Variants in ENG observed in about 807,000 individuals in gnomAD.
ENG encodes endoglin, also known as CD105 antigen.
In ENG, 17 loss-of-function variants were observed where a neutral mutation model predicts 71.0. That is an observed-to-expected ratio of 0.24 (90% confidence interval 0.16 to 0.36). The LOEUF (loss-of-function observed/expected upper bound fraction) is 0.36, where lower values mean the gene tolerates loss of function less well. Among genes scored for constraint, ENG ranks in the 10% least tolerant of loss-of-function variants. The pLI is 1.00. For synonymous variants in ENG, 360 were observed against 366.9 expected, an observed-to-expected ratio of 0.98 and a Z score of 0.21; for missense variants, 749 against 868.3, an observed-to-expected ratio of 0.86 and a Z score of 1.73.
rs1416263121 is a variant in ENG at position 127,815,777 on chromosome 9, C to T, written c.1882G>A (p.Ala628Thr). 6.5e-7 allele frequency: 1 copy of T among 1,545,468 alleles called. No homozygotes were observed. Among genetic ancestry groups the T allele is most frequent in the South Asian group, 1.2e-5 (1 of 84,038 alleles). Reference protein sequence around the residue: ...RSPSKREPVVAVAAPASSESS... With the variant: ...RSPSKREPVVTVAAPASSESS... ...TCCGAGGAGGCCGGGGCAGCCACCG[C>T]CACCACGGGCTCCCGCTTGCTGGGG... Residue 628 changes from alanine to threonine, a missense_variant, in exon 15 of 15, where the codon GCG (alanine) becomes ACG (threonine). Coordinates refer to ENST00000373203, the MANE Select transcript of ENG (RefSeq NM_001114753.3).
At chr9:127,817,041 C>T in intron 13 of ENG, 108 bp downstream of exon 13, 1 of 1,300,592 alleles carries the variant, frequency 7.7e-7, no homozygotes, top group South Asian at 1.2e-5. Context: ...TCTCTGGGGT[C>T]CCCCTTGCCA....
At chr9:127,824,512 CT>C (rs71380096) in intron 7 of ENG, 66 bp from the exon 8 acceptor site, 104,437 of 668,874 alleles carry the variant, frequency 0.16, 6 homozygotes, top group Non-Finnish European at 0.16. Flanking sequence ...CCGCACCAGG[CT>C]TTTTTTTTTT....
chr9:127,840,442 A>C (rs1204453861), intron 2 of ENG, among the ~76,000 whole-genome samples: 1 of 152,202 alleles, frequency 6.6e-6, no homozygotes, highest in Non-Finnish European at 1.5e-5. Context: ...CTAAAAATAC[A>C]AAAATTAGCT....
chr9:127,843,755 A>ATT (rs71380099), intron 1 of ENG, among the ~76,000 whole-genome samples: 1 of 25,040 alleles, frequency 4.0e-5, no homozygotes, highest in African/African-American at 1.5e-4. Context: ...ATATATATAT[A>ATT]TTTTTTTTTT....
intron 1 of ENG, among the ~76,000 whole-genome samples, chr9:127,843,465 G>A (rs927633000): frequency 3.3e-5 from 5 of 151,608 alleles, no homozygotes; most frequent in South Asian, 2.1e-4. Flanking sequence ...GCGCTACTAC[G>A]TATAGGGTCG....
chr9:127,844,034 G>A (rs543482061), intron 1 of ENG, among the ~76,000 whole-genome samples: 2 of 150,142 alleles, frequency 1.3e-5, no homozygotes, highest in African/African-American at 2.4e-5. Flanking sequence ...GCCTCCCAAA[G>A]TGCTGGGATT....
chr9:127,825,178 AT>A, intron 6 of ENG, 52 bp downstream of exon 6: 2 of 1,612,854 alleles, frequency 1.2e-6, no homozygotes, highest in Non-Finnish European at 1.7e-6. Context: ...AACTTCCCTG[AT>A]CCAGAGGTTG....
intron 2 of ENG, among the ~76,000 whole-genome samples, chr9:127,842,011 T>A (rs1831045008): frequency 6.6e-6 from 1 of 152,060 alleles, no homozygotes; most frequent in Non-Finnish European, 1.5e-5. Context: ...CCTAGCACAG[T>A]CTCTAGCACA....
chr9:127,817,844 G>T, intron 12 of ENG: 1 of 562,170 alleles, frequency 1.8e-6, no homozygotes, highest in Non-Finnish European at 3.2e-6. Context: ...GTGGATGGAT[G>T]GATGGACGGA....
Position 127,815,622 on chromosome 9 carries a change from C to T in ENG, c.*60G>A. 1.3e-6 allele frequency: 2 copies of T among 1,532,110 alleles called. No homozygotes were observed. Among genetic ancestry groups the T allele is most frequent in the Non-Finnish European group, 1.7e-6 (2 of 1,145,440 alleles). 94.9% of individuals were successfully genotyped at this position (1,532,110 alleles called of 1,614,324 possible). A position where few individuals can be genotyped will look rare whatever the true frequency, so the allele number is the denominator to read the frequency against. On this transcript the variant is annotated 3_prime_UTR_variant, in exon 15 of 15. Transcript: ENST00000373203. ...ACTGGCTCCCAGGGTGAGTTCACAC[C>T]AGTGCTCCCAGCTGGCGGCTGCTCA...
At chr9:127,839,893 A>C (rs117012076) in intron 2 of ENG, among the ~76,000 whole-genome samples, 4 of 152,278 alleles carry the variant, frequency 2.6e-5, no homozygotes, top group Non-Finnish European at 5.9e-5. Context: ...ATTGAGGTTC[A>C]AATTATTCAA....
In ENG at chr9:127,818,102, G is replaced by A. The variant is rs767620198; in HGVS notation, c.1686+18C>T. On this transcript the variant is annotated intron_variant, in intron 12 of 14. Coordinates refer to ENST00000373203, the MANE Select transcript of ENG (RefSeq NM_001114753.3). ...GAAGCTCCCACTTGAAGCTGGGGCC[G>A]GCCCAGGCCCCACTCACCTGGTCTT... 6.6e-5 allele frequency: 106 copies of A among 1,613,856 alleles called. No individual in the cohort carries two copies. Among genetic ancestry groups the A allele is most frequent in the Middle Eastern group, 4.9e-4 (3 of 6,080 alleles).
chr9:127,833,418 G>C (rs1468240333), intron 2 of ENG, among the ~76,000 whole-genome samples: 1 of 151,868 alleles, frequency 6.6e-6, no homozygotes, highest in Non-Finnish European at 1.5e-5. Flanking sequence ...CTACTCGGGA[G>C]GCTGAGGCAG....
At chr9:127,825,106 C>T in intron 6 of ENG, 125 bp downstream of exon 6, 9 of 1,591,620 alleles carry the variant, frequency 5.7e-6, no homozygotes, top group Non-Finnish European at 7.7e-6. Flanking sequence ...TGGCCCCTTC[C>T]CTCACGTATG....
intron 8 of ENG, among the ~76,000 whole-genome samples, chr9:127,820,547 G>A (rs1830444527): frequency 6.6e-6 from 1 of 151,480 alleles, no homozygotes; most frequent in Non-Finnish European, 1.5e-5. Context: ...TATTCCTTCA[G>A]GCCGGGTACG....
chr9:127,827,629 C>G (rs1564457090), intron 3 of ENG, among the ~76,000 whole-genome samples: 1 of 152,146 alleles, frequency 6.6e-6, no homozygotes, highest in Non-Finnish European at 1.5e-5. Context: ...GGCAAAAGGG[C>G]TTCGGGTTGG....
At chr9:127,852,784 C>G (rs1034004034) in intron 1 of ENG, among the ~76,000 whole-genome samples, 1 of 152,082 alleles carries the variant, frequency 6.6e-6, no homozygotes, top group Non-Finnish European at 1.5e-5. Flanking sequence ...GGAGTACTTA[C>G]GCTGTGAAAA....
chr9:127,828,446 G>A (rs1336496092), intron 3 of ENG, among the ~76,000 whole-genome samples: 1 of 152,182 alleles, frequency 6.6e-6, no homozygotes, highest in Admixed American at 6.5e-5. Context: ...GAGCCCGCTC[G>A]GGAAGCAGCG....
At chr9:127,825,630 G>GT in intron 5 of ENG, 65 bp downstream of exon 5, 1 of 1,408,000 alleles carries the variant, frequency 7.1e-7, no homozygotes, top group African/African-American at 1.5e-5. Context: ...AGAGGGGGCG[G>GT]GGGGGGTCAG....
Sources: allele counts gnomAD v4.1 joint callset (sites outside exome capture counted in the v4.1 genomes callset), GRCh38; gene constraint gnomAD v4.1.1; transcripts MANE v1.5; gene names NCBI Gene and HGNC (gene_info 2026-07-23, HGNC 2026-07-21).